Variants in GRM1 observed in about 807,000 individuals in gnomAD.
The protein encoded by GRM1 is metabotropic glutamate receptor 1.
Under a neutral mutation model 90.9 loss-of-function variants are expected in GRM1, and 33 were observed. That is an observed-to-expected ratio of 0.36 (90% CI 0.28 to 0.49). The LOEUF is 0.49. GRM1 is among the 20% of genes least tolerant of loss of function. The pLI, the probability that GRM1 is intolerant of heterozygous loss-of-function variation, is 0.99. For synonymous variants in GRM1, 700 were observed against 613.2 expected, an observed-to-expected ratio of 1.14 and a Z score of -2.09; for missense variants, 1,190 against 1,534.3, an observed-to-expected ratio of 0.78 and a Z score of 3.75.
intron 1 of GRM1, among the ~76,000 whole-genome samples, chr6:146,134,190 C>T (rs1776518798): frequency 2.6e-5 from 4 of 152,202 alleles, no homozygotes; most frequent in Admixed American, 2.6e-4. Flanking sequence ...ACTGCCTGGG[C>T]TGTGTTCTCC....
chr6:146,425,511 C>T (rs1428354467), intron 7 of GRM1, among the ~76,000 whole-genome samples: 1 of 139,058 alleles, frequency 7.2e-6, no homozygotes, highest in African/African-American at 2.4e-5. Context: ...TGGTCCTCTT[C>T]CAGGTTACCC....
chr6:146,144,017 C>T (rs183370081), intron 1 of GRM1, among the ~76,000 whole-genome samples: 9 of 152,268 alleles, frequency 5.9e-5, no homozygotes, highest in African/African-American at 1.7e-4. Context: ...ACTTGGGCTA[C>T]CAAACAAAAT....
At chr6:146,298,218 C>T (rs532059458) in intron 2 of GRM1, among the ~76,000 whole-genome samples, 2 of 152,300 alleles carry the variant, frequency 1.3e-5, no homozygotes, top group African/African-American at 4.8e-5. Flanking sequence ...TCACATATGA[C>T]TTTAAATTGG....
intron 1 of GRM1, among the ~76,000 whole-genome samples, chr6:146,047,842 C>T (rs1562427316): frequency 1.3e-5 from 2 of 151,942 alleles, no homozygotes; most frequent in African/African-American, 4.8e-5. Context: ...ATGGTTATAA[C>T]CTAGAATGAC....
rs147056523 is a variant in GRM1 at position 146,430,659 on chromosome 6, T to G, written c.2661-3213T>G. On this transcript the variant is annotated intron_variant, in intron 7 of 7. Coordinates refer to ENST00000282753, the MANE Select transcript of GRM1 (RefSeq NM_001278064.2). ...ATTTTTATAATGTATTTATTCTTTC[T>G]TGATATAAATGGATTTGATTTTACA... Among the ~76,000 whole-genome samples, 126 of 152,358 alleles carry G rather than the reference T, an allele frequency of 8.3e-4. 1 individual carries two copies. The highest frequency in any genetic ancestry group is 2.8e-3 in the African/African-American group (117 of 41,586).
chr6:146,266,588 G>C (rs1403553555), intron 2 of GRM1, among the ~76,000 whole-genome samples: 1 of 152,152 alleles, frequency 6.6e-6, no homozygotes, highest in East Asian at 1.9e-4. Context: ...TGATCTCCCA[G>C]CTTCACTTAT....
At chr6:146,315,971 A>G (rs1283357174) in intron 3 of GRM1, among the ~76,000 whole-genome samples, 3 of 152,196 alleles carry the variant, frequency 2.0e-5, no homozygotes, top group Non-Finnish European at 4.4e-5. Flanking sequence ...TAGATGTATT[A>G]ATTTTGTATT....
At chr6:146,351,559 A>G (rs1412503151) in intron 3 of GRM1, among the ~76,000 whole-genome samples, 1 of 152,180 alleles carries the variant, frequency 6.6e-6, no homozygotes, top group Non-Finnish European at 1.5e-5. Flanking sequence ...CACCTGTGAC[A>G]TAGGTAGAAA....
chr6:146,382,374 T>C (rs969392053), intron 5 of GRM1, among the ~76,000 whole-genome samples: 2 of 151,430 alleles, frequency 1.3e-5, no homozygotes, highest in Admixed American at 6.6e-5. Context: ...CCCCCATATT[T>C]GTAAAACAAT....
intron 1 of GRM1, among the ~76,000 whole-genome samples, chr6:146,116,636 A>G (rs1323244539): frequency 6.6e-6 from 1 of 152,144 alleles, no homozygotes; most frequent in Non-Finnish European, 1.5e-5. Flanking sequence ...TTATAGAATC[A>G]AAGAATGTAT....
chr6:146,310,088 G>A (rs944712593), intron 3 of GRM1, among the ~76,000 whole-genome samples: 10 of 152,184 alleles, frequency 6.6e-5, no homozygotes, highest in African/African-American at 9.7e-5. Flanking sequence ...CATAATGAAA[G>A]AATCTGGCTG....
chr6:146,416,440 A>G (rs1777787482), intron 7 of GRM1, among the ~76,000 whole-genome samples: 1 of 152,108 alleles, frequency 6.6e-6, no homozygotes, highest in Non-Finnish European at 1.5e-5. Flanking sequence ...TTAATCTTTT[A>G]TAGTCTCAAA....
chr6:146,260,267 C>T (rs1206969081), intron 2 of GRM1, among the ~76,000 whole-genome samples: 1 of 151,940 alleles, frequency 6.6e-6, no homozygotes, highest in Non-Finnish European at 1.5e-5. Context: ...TTTCTTGTTC[C>T]TGTGTTAGTT....
chr6:146,239,839 C>T (rs1193058787), intron 2 of GRM1, among the ~76,000 whole-genome samples: 1 of 151,768 alleles, frequency 6.6e-6, no homozygotes, highest in Non-Finnish European at 1.5e-5. Context: ...TTAAAGTTCC[C>T]CCCGGAGATT....
intron 2 of GRM1, among the ~76,000 whole-genome samples, chr6:146,179,412 T>C (rs1469107728): frequency 6.6e-6 from 1 of 152,238 alleles, no homozygotes; most frequent in Non-Finnish European, 1.5e-5. Flanking sequence ...TTGAACTTTC[T>C]GCTCATTCAT....
rs79259930 is a variant in GRM1, at chr6:146,266,948, A to G, written c.951-37663A>G. On this transcript the variant is annotated intron_variant, in intron 2 of 7. Coordinates refer to ENST00000282753, the MANE Select transcript of GRM1 (RefSeq NM_001278064.2). ...GGATGTGCAGGTTTGTTACATAGGT[A>G]AACACGTGCCACAGTAGTTTGCTGC... Among the ~76,000 whole-genome samples the G allele has an allele frequency of 2.6e-3, 398 of 152,340 alleles. 2 individuals are homozygous for G. Among genetic ancestry groups the G allele is most frequent in the Non-Finnish European group, 4.9e-3 (330 of 68,040 alleles).
chr6:146,037,514 C>T (rs578228583), intron 1 of GRM1, among the ~76,000 whole-genome samples: 1 of 151,946 alleles, frequency 6.6e-6, no homozygotes, highest in African/African-American at 2.4e-5. Context: ...AACCCTCATG[C>T]ACGCCTCTCA....
At chr6:146,352,217 G>T in intron 3 of GRM1, 33 bp from the exon 4 acceptor site, 1 of 1,609,596 alleles carries the variant, frequency 6.2e-7, no homozygotes, top group Non-Finnish European at 8.5e-7. Flanking sequence ...TTATCATTGT[G>T]ACCTTGGTAG....
At chr6:146,193,689 AC>A (rs1477606483) in intron 2 of GRM1, among the ~76,000 whole-genome samples, 1 of 151,660 alleles carries the variant, frequency 6.6e-6, no homozygotes, top group East Asian at 1.9e-4. Flanking sequence ...TTTTGTTCTT[AC>A]CTTTTTTTTT....
Sources: gnomAD v4.1 joint callset for allele counts (sites outside exome capture counted in the v4.1 genomes callset) on GRCh38, gnomAD v4.1.1 for gene constraint, MANE v1.5 for transcripts, NCBI Gene and HGNC (gene_info 2026-07-23, HGNC 2026-07-21) for gene names.